The following NNT variants were observed in gnomAD, a reference collection of about 807,000 sequenced individuals.
NNT encodes nicotinamide nucleotide transhydrogenase, also known as NAD(P) transhydrogenase, mitochondrial.
A neutral mutation model predicts 104.8 loss-of-function variants in NNT; 50 were observed. That is an observed-to-expected ratio of 0.48 (90% CI 0.38 to 0.60). The LOEUF is 0.60. NNT is among the 20% of genes least tolerant of loss of function. The pLI, the probability that NNT is intolerant of heterozygous loss-of-function variation, is 0.00. For missense variants in NNT, 1,131 were observed against 1,330.7 expected (o/e 0.85, Z 2.33); for synonymous variants, 461 against 490.4 (o/e 0.94, Z 0.79).
intron 5 of NNT, 84 bp from the exon 6 acceptor site, chr5:43,623,948 A>G: frequency 8.0e-7 from 1 of 1,250,684 alleles, no homozygotes; most frequent in Non-Finnish European, 1.2e-6. Context: ...CTAAACTTAT[A>G]CTAGGCACCA....
In NNT at chr5:43,671,210, A is replaced by C. The variant is rs192354893; in HGVS notation, c.2635-4301A>C. 4.3e-4 allele frequency among the ~76,000 whole-genome samples: 66 copies of C among 152,272 alleles called. 1 individual carries two copies. The East Asian group carries it at 0.012, about 28-fold the overall frequency. Reference sequence around the variant, plus strand: ...GTGAGATGAGTCTTGTGAATACAGCACACTGATGGGTCTTGACTCTTTATC... The same window carrying C: ...GTGAGATGAGTCTTGTGAATACAGCCCACTGATGGGTCTTGACTCTTTATC... On this transcript the variant is annotated intron_variant, in intron 17 of 21. Transcript: ENST00000344920.
intron 7 of NNT, among the ~76,000 whole-genome samples, chr5:43,629,737 G>A (rs1240157672): frequency 6.6e-6 from 1 of 152,130 alleles, no homozygotes; most frequent in Non-Finnish European, 1.5e-5. Context: ...GTGATGTTGA[G>A]CATTTTTTCA....
At chr5:43,669,076 CTGTT>C (rs1355392221) in intron 17 of NNT, among the ~76,000 whole-genome samples, 5 of 152,106 alleles carry the variant, frequency 3.3e-5, no homozygotes, top group African/African-American at 9.7e-5. Flanking sequence ...ATTTGGCTCT[CTGTT>C]TGTCTGTTAT....
At chr5:43,690,318 A>C (rs1486637448) in intron 19 of NNT, among the ~76,000 whole-genome samples, 1 of 152,032 alleles carries the variant, frequency 6.6e-6, no homozygotes, top group Non-Finnish European at 1.5e-5. Flanking sequence ...GTTTGAAGGC[A>C]CTGAATTTGT....
intron 10 of NNT, among the ~76,000 whole-genome samples, chr5:43,646,167 A>G (rs1435438700): frequency 6.6e-6 from 1 of 152,192 alleles, no homozygotes; most frequent in Non-Finnish European, 1.5e-5. Context: ...TGACTCAGTA[A>G]ATAGAGGCAC....
At chr5:43,651,445 G>A (rs1202235587) in intron 12 of NNT, among the ~76,000 whole-genome samples, 1 of 152,006 alleles carries the variant, frequency 6.6e-6, no homozygotes, top group Non-Finnish European at 1.5e-5. Context: ...CAGCATAGTG[G>A]CGCGAGCCTA....
intron 7 of NNT, among the ~76,000 whole-genome samples, chr5:43,639,019 T>A (rs190745567): frequency 6.6e-6 from 1 of 152,232 alleles, no homozygotes; most frequent in Admixed American, 6.5e-5. Flanking sequence ...TTCTGGTAAA[T>A]CTTTAGTCTT....
chr5:43,678,839 C>T (rs948574435), intron 19 of NNT, among the ~76,000 whole-genome samples: 8 of 152,240 alleles, frequency 5.3e-5, no homozygotes, highest in Admixed American at 2.6e-4. Context: ...GTATTAGTGT[C>T]GGCAGTTAAT....
intron 7 of NNT, 36 bp downstream of exon 7, chr5:43,628,423 T>C (rs757852886): frequency 2.1e-6 from 3 of 1,458,550 alleles, no homozygotes; most frequent in Non-Finnish European, 2.7e-6. Flanking sequence ...TTAAAAGCAC[T>C]TTTACTCTTT....
rs139536155 is a variant in NNT at position 43,617,221 on chromosome 5, A to C, written c.599+1156A>C. Among the ~76,000 whole-genome samples the C allele has an allele frequency of 2.0e-5, 3 of 152,350 alleles. No individual in the cohort carries two copies. The East Asian group carries it at 5.8e-4, about 29-fold the overall frequency. On this transcript the variant is annotated intron_variant, in intron 4 of 21. Transcript: ENST00000344920. ...TTCTGAAATACACATATGTGAAAGA[A>C]TATCAAAACCAGTCGCTCTAGATCA...
Position 43,704,156 on chromosome 5 carries a change from A to C in NNT, c.3112-99A>C, listed in dbSNP as rs1742996871. The C allele has an allele frequency of 5.0e-6, 5 of 1,008,532 alleles. No individual in the cohort carries two copies. In the African/African-American group the frequency reaches 5.0e-5, roughly 10 times the overall value. The allele number at this position is 1,008,532 out of a possible 1,614,324, so 62.5% of individuals were successfully genotyped here. On this transcript the variant is annotated intron_variant, in intron 21 of 21. Coordinates refer to ENST00000344920, the MANE Select transcript of NNT (RefSeq NM_182977.3). ...TGCACTAAAGAATTAGTAGTGGTAC[A>C]TGCCTTGTTCAAAGGTAGTGAAGAG...
chr5:43,697,301 A>G (rs1160087657), intron 19 of NNT, among the ~76,000 whole-genome samples: 1 of 152,178 alleles, frequency 6.6e-6, no homozygotes, highest in African/African-American at 2.4e-5. Context: ...ACATAACAAG[A>G]GTCACCTTTG....
rs553074412 is a variant in NNT, at chr5:43,686,321, C to A, written c.2876+8515C>A. Among the ~76,000 whole-genome samples, 5 of 151,584 alleles carry A rather than the reference C, an allele frequency of 3.3e-5. No homozygotes were observed. The South Asian group carries it at 8.3e-4, about 25-fold the overall frequency. ...TTGTATCTGTCAACCAAGGAAACAA[C>A]ATTTTTGCCTAATCATATCTGTTAA... On this transcript the variant is annotated intron_variant, in intron 19 of 21. Transcript: ENST00000344920.
At chr5:43,658,450 T>C (rs570350838) in intron 16 of NNT, among the ~76,000 whole-genome samples, 1 of 152,360 alleles carries the variant, frequency 6.6e-6, no homozygotes, top group African/African-American at 2.4e-5. Flanking sequence ...TTGGATGTTA[T>C]GTTATATTCC....
At chr5:43,627,515 T>A (rs1422146866) in intron 6 of NNT, among the ~76,000 whole-genome samples, 2 of 152,152 alleles carry the variant, frequency 1.3e-5, no homozygotes, top group Non-Finnish European at 1.5e-5. Flanking sequence ...CATAGTGGAA[T>A]GGATATTGAT....
At chr5:43,622,120 A>G (rs776679148) in intron 5 of NNT, among the ~76,000 whole-genome samples, 1 of 152,226 alleles carries the variant, frequency 6.6e-6, no homozygotes, top group African/African-American at 2.4e-5. Context: ...TCTGTCAGCA[A>G]TTGGTTGCAC....
intron 17 of NNT, chr5:43,667,081 T>C (rs1740743810): frequency 1.9e-6 from 3 of 1,587,318 alleles, no homozygotes; most frequent in Admixed American, 1.7e-5. Context: ...TAGGCCCTTC[T>C]TGTTGTGCTT....
chr5:43,632,323 T>G (rs7701080), intron 7 of NNT, among the ~76,000 whole-genome samples: 2,138 of 152,194 alleles, frequency 0.014, 52 homozygotes, highest in African/African-American at 0.045. Flanking sequence ...ATTTATAGAC[T>G]GAGATCCCTG....
intron 4 of NNT, 124 bp downstream of exon 4, chr5:43,616,189 G>A (rs1749777704): frequency 1.3e-6 from 1 of 774,806 alleles, no homozygotes; most frequent in Non-Finnish European, 2.1e-6. Context: ...AGCCTTTTGA[G>A]AGTGCATTTA....
Sources: allele counts gnomAD v4.1 joint callset (sites outside exome capture counted in the v4.1 genomes callset), GRCh38; gene constraint gnomAD v4.1.1; transcripts MANE v1.5; gene names NCBI Gene and HGNC (gene_info 2026-07-23, HGNC 2026-07-21).